DLG2: variants seen among roughly 807,000 people sequenced by gnomAD.
DLG2 encodes disks large homolog 2.
Under a neutral mutation model 132.5 loss-of-function variants are expected in DLG2, and 45 were observed. The ratio of observed to expected loss-of-function variants is 0.34; its 90% confidence interval spans 0.27 to 0.44. The LOEUF (loss-of-function observed/expected upper bound fraction) is 0.44, where lower values mean the gene tolerates loss of function less well. Among genes scored for constraint, DLG2 ranks in the 20% least tolerant of loss-of-function variants. The pLI, the probability that DLG2 is intolerant of heterozygous loss-of-function variation, is 1.00. For synonymous variants in DLG2, 424 were observed against 419.6 expected, an observed-to-expected ratio of 1.01 and a Z score of -0.13; for missense variants, 1,045 against 1,196.9, an observed-to-expected ratio of 0.87 and a Z score of 1.87.
intron 6 of DLG2, among the ~76,000 whole-genome samples, chr11:84,898,184 G>A (rs1476004624): frequency 6.6e-6 from 1 of 151,884 alleles, no homozygotes; most frequent in Non-Finnish European, 1.5e-5. Context: ...AATAAGCTAA[G>A]TTTGTATTAG....
At chr11:85,431,811 C>T (rs1228482799) in intron 3 of DLG2, among the ~76,000 whole-genome samples, 2 of 152,252 alleles carry the variant, frequency 1.3e-5, no homozygotes, top group Non-Finnish European at 2.9e-5. Context: ...CACCAAGGGA[C>T]AGCCAAAGTG....
At chr11:85,519,618 T>C (rs983179330) in intron 3 of DLG2, among the ~76,000 whole-genome samples, 1 of 152,216 alleles carries the variant, frequency 6.6e-6, no homozygotes, top group African/African-American at 2.4e-5. Context: ...CCGTTAATGC[T>C]GAAATGAGTT....
At chr11:83,535,590 C>T (rs2095859918) in intron 20 of DLG2, among the ~76,000 whole-genome samples, 1 of 152,036 alleles carries the variant, frequency 6.6e-6, no homozygotes, top group Non-Finnish European at 1.5e-5. Context: ...CACACAGACA[C>T]ACACACATAC....
chr11:83,579,302 A>G (rs1311284010), intron 19 of DLG2, among the ~76,000 whole-genome samples: 1 of 152,202 alleles, frequency 6.6e-6, no homozygotes, highest in African/African-American at 2.4e-5. Flanking sequence ...ATGCAATTAT[A>G]TCATATTATG....
chr11:83,736,470 T>C (rs1024646936), intron 18 of DLG2, among the ~76,000 whole-genome samples: 1 of 152,184 alleles, frequency 6.6e-6, no homozygotes, highest in African/African-American at 2.4e-5. Flanking sequence ...ATACAGAGAT[T>C]CTGCAATGTC....
intron 22 of DLG2, among the ~76,000 whole-genome samples, chr11:83,481,110 A>G (rs151218224): frequency 1.3e-3 from 205 of 152,244 alleles, no homozygotes; most frequent in African/African-American, 4.6e-3. Flanking sequence ...AGTGGCATGG[A>G]ACAGGCAGGA....
chr11:85,059,793 G>A (rs605652), intron 6 of DLG2, among the ~76,000 whole-genome samples: 100,701 of 150,890 alleles, frequency 0.67, 34,521 homozygotes, highest in East Asian at 0.94. Context: ...TAGGGATATC[G>A]ATTTCTCTAC....
intron 6 of DLG2, among the ~76,000 whole-genome samples, chr11:84,683,708 G>A (rs2099735542): frequency 6.6e-6 from 1 of 152,178 alleles, no homozygotes; most frequent in South Asian, 2.1e-4. Context: ...CAGGTGCACT[G>A]AAAGCACCAA....
intron 6 of DLG2, among the ~76,000 whole-genome samples, chr11:85,110,258 A>G (rs546197248): frequency 1.4e-5 from 2 of 147,348 alleles, no homozygotes; most frequent in Non-Finnish European, 3.0e-5. Context: ...CAAAAATACG[A>G]AAAAAAAAAT....
intron 6 of DLG2, among the ~76,000 whole-genome samples, chr11:85,101,106 T>C (rs1424466241): frequency 6.6e-6 from 1 of 152,130 alleles, no homozygotes; most frequent in East Asian, 1.9e-4. Context: ...AATTATATCA[T>C]AAAGCGTAAG....
intron 6 of DLG2, among the ~76,000 whole-genome samples, chr11:84,709,125 T>G (rs1002700319): frequency 4.0e-5 from 6 of 151,878 alleles, no homozygotes; most frequent in Non-Finnish European, 8.8e-5. Context: ...ATGGGAAAGG[T>G]TATGCCAACT....
chr11:84,059,177 C>T, intron 11 of DLG2, 138 bp downstream of exon 11: 1 of 729,498 alleles, frequency 1.4e-6, no homozygotes. Context: ...CCCTTTGTAA[C>T]CACTACTGTA....
intron 11 of DLG2, among the ~76,000 whole-genome samples, chr11:84,033,581 T>A (rs747476049): frequency 2.0e-5 from 3 of 152,346 alleles, no homozygotes; most frequent in Non-Finnish European, 4.4e-5. Flanking sequence ...TGCCTAAATT[T>A]AGTTGATGAA....
chr11:84,313,673 G>GAAAGA (rs2098324450), intron 7 of DLG2, among the ~76,000 whole-genome samples: 1 of 151,094 alleles, frequency 6.6e-6, no homozygotes, highest in South Asian at 2.1e-4. Flanking sequence ...AAGAAAGAAA[G>GAAAGA]AAAGAAAGAA....
intron 7 of DLG2, among the ~76,000 whole-genome samples, chr11:84,282,627 A>C (rs537451720): frequency 6.6e-6 from 1 of 152,234 alleles, no homozygotes; most frequent in East Asian, 1.9e-4. Context: ...TTGCAGTTCA[A>C]TCTGTCTCCT....
At chr11:84,821,659 A>C (rs530828743) in intron 6 of DLG2, among the ~76,000 whole-genome samples, 192 of 151,254 alleles carry the variant, frequency 1.3e-3, no homozygotes, top group Non-Finnish European at 2.3e-3. Flanking sequence ...AACAAAAAAA[A>C]CAAAAAAACA....
Position 83,770,255 on chromosome 11 carries a change from G to GTTTTTTTTTTTTTTTTTTTTTTTTTTTTT in DLG2, c.1825+16434_1825+16435insAAAAAAAAAAAAAAAAAAAAAAAAAAAAA, listed in dbSNP as rs143065797. Among the ~76,000 whole-genome samples the GTTTTTTTTTTTTTTTTTTTTTTTTTTTTT allele has an allele frequency of 9.1e-5, 10 of 109,942 alleles. 1 individual carries two copies. The highest frequency in any genetic ancestry group is 3.4e-4 in the South Asian group (1 of 2,924). The allele number at this position is 109,942 out of a possible 152,430, so 72.1% of individuals were successfully genotyped here. On this transcript the variant is annotated intron_variant, in intron 18 of 27. Coordinates refer to ENST00000376104, the MANE Select transcript of DLG2 (RefSeq NM_001142699.3). Reference sequence around the variant, plus strand: ...TACCTTTTGTCTCGTGGTGTCTGGTGTTTTTTTTTGTTTTTTTGCTTTTTG... The same window carrying GTTTTTTTTTTTTTTTTTTTTTTTTTTTTT: ...TACCTTTTGTCTCGTGGTGTCTGGTGTTTTTTTTTTTTTTTTTTTTTTTTTTTTTTTTTTTTTTGTTTTTTTGCTTTTTG...
At chr11:84,255,145 A>T (rs1262875065) in intron 7 of DLG2, among the ~76,000 whole-genome samples, 5 of 152,054 alleles carry the variant, frequency 3.3e-5, no homozygotes, top group Non-Finnish European at 7.4e-5. Context: ...GGTAATTCCA[A>T]ATCTTCCTTT....
intron 3 of DLG2, among the ~76,000 whole-genome samples, chr11:85,531,871 C>T (rs960151784): frequency 1.3e-5 from 2 of 152,112 alleles, no homozygotes; most frequent in African/African-American, 2.4e-5. Flanking sequence ...GAGAAAGATG[C>T]TAATATGTTC....
Sources: allele counts gnomAD v4.1 joint callset (sites outside exome capture counted in the v4.1 genomes callset), GRCh38; gene constraint gnomAD v4.1.1; transcripts MANE v1.5; gene names NCBI Gene and HGNC (gene_info 2026-07-23, HGNC 2026-07-21).